JAZF1: variants seen among roughly 807,000 people sequenced by gnomAD.
JAZF1 encodes JAZF zinc finger 1.
A neutral mutation model predicts 26.4 loss-of-function variants in JAZF1; 8 were observed. That is an observed-to-expected ratio of 0.30 (90% CI 0.18 to 0.55). JAZF1 has a LOEUF of 0.55. JAZF1 is among the 20% of genes least tolerant of loss of function. The pLI is 0.94. For synonymous variants in JAZF1, 126 were observed against 122.3 expected, an observed-to-expected ratio of 1.03 and a Z score of -0.20; for missense variants, 199 against 322.0, an observed-to-expected ratio of 0.62 and a Z score of 2.92.
chr7:27,839,568 G>A (rs888406358), intron 4 of JAZF1, among the ~76,000 whole-genome samples: 1 of 152,156 alleles, frequency 6.6e-6, no homozygotes, highest in Admixed American at 6.5e-5. Flanking sequence ...TGACCCAAAT[G>A]CAGCGCTCCT....
intron 2 of JAZF1, among the ~76,000 whole-genome samples, chr7:27,949,265 T>G (rs1464242961): frequency 6.6e-6 from 1 of 152,170 alleles, no homozygotes; most frequent in Admixed American, 6.5e-5. Flanking sequence ...AACACAACAA[T>G]TCTGGCTGAT....
chr7:27,984,876 G>A (rs1330842855), intron 2 of JAZF1, among the ~76,000 whole-genome samples: 1 of 152,102 alleles, frequency 6.6e-6, no homozygotes, highest in East Asian at 1.9e-4. Context: ...CAAAATGAAG[G>A]CAGAAATAAA....
intron 1 of JAZF1, among the ~76,000 whole-genome samples, chr7:28,000,127 GTATTAGTTGCAGTAT>G (rs992935667): frequency 4.7e-4 from 71 of 152,242 alleles, no homozygotes; most frequent in African/African-American, 1.7e-3. Flanking sequence ...GAGTTGAAGA[GTATTAGTTGCAGTAT>G]TAGTATTAGT....
chr7:28,010,615 C>T (rs2128370097), intron 1 of JAZF1, among the ~76,000 whole-genome samples: 1 of 152,334 alleles, frequency 6.6e-6, no homozygotes, highest in South Asian at 2.1e-4. Flanking sequence ...CTCTACAAAA[C>T]ATTCCATGAA....
chr7:28,078,693 C>G (rs376008778), intron 1 of JAZF1, among the ~76,000 whole-genome samples: 8 of 152,148 alleles, frequency 5.3e-5, no homozygotes, highest in African/African-American at 1.7e-4. Flanking sequence ...ATACTCTGGC[C>G]CCTTTTCTTG....
chr7:28,088,570 G>T (rs1369732490), intron 1 of JAZF1, among the ~76,000 whole-genome samples: 2 of 152,188 alleles, frequency 1.3e-5, no homozygotes, highest in African/African-American at 2.4e-5. Flanking sequence ...CAAAGTCAGA[G>T]ATGTGTGTGA....
intron 1 of JAZF1, among the ~76,000 whole-genome samples, chr7:28,145,216 GACA>G (rs1391936087): frequency 2.0e-5 from 3 of 152,180 alleles, no homozygotes; most frequent in African/African-American, 7.2e-5. Context: ...CAAGTAGAAG[GACA>G]AAGGAAAAGG....
intron 3 of JAZF1, among the ~76,000 whole-genome samples, chr7:27,877,351 C>G (rs1783695653): frequency 6.6e-6 from 1 of 152,132 alleles, no homozygotes; most frequent in African/African-American, 2.4e-5. Flanking sequence ...TCAGCAGCTT[C>G]AGATCTTTGG....
chr7:28,072,935 T>C (rs928356921), intron 1 of JAZF1, among the ~76,000 whole-genome samples: 1 of 152,224 alleles, frequency 6.6e-6, no homozygotes, highest in Admixed American at 6.5e-5. Context: ...AAAAAAATTA[T>C]GTATTTAAGA....
intron 1 of JAZF1, among the ~76,000 whole-genome samples, chr7:28,140,925 T>C (rs890240271): frequency 8.5e-5 from 13 of 152,208 alleles, no homozygotes; most frequent in South Asian, 4.1e-4. Context: ...TCAAATATAA[T>C]TTGAACTGTT....
intron 2 of JAZF1, among the ~76,000 whole-genome samples, chr7:27,905,136 TA>T (rs10706114): frequency 0.4 from 61,360 of 151,758 alleles, 12,886 homozygotes; most frequent in African/African-American, 0.5. Context: ...CATCCAAGGC[TA>T]AATTTTTGTA....
intron 1 of JAZF1, among the ~76,000 whole-genome samples, chr7:27,992,607 C>T (rs936629033): frequency 1.8e-4 from 27 of 152,150 alleles, no homozygotes; most frequent in African/African-American, 6.0e-4. Context: ...CATAGCAACG[C>T]TTTATAATGG....
chr7:27,931,798 C>T (rs1213871447), intron 2 of JAZF1, among the ~76,000 whole-genome samples: 4 of 151,924 alleles, frequency 2.6e-5, no homozygotes, highest in African/African-American at 9.7e-5. Context: ...GTGCTGGAAC[C>T]TGGGAGAATT....
intron 1 of JAZF1, among the ~76,000 whole-genome samples, chr7:28,037,182 A>G (rs1267989543): frequency 6.6e-6 from 1 of 152,206 alleles, no homozygotes; most frequent in Non-Finnish European, 1.5e-5. Flanking sequence ...ATGTACTCAA[A>G]CACAATAAAT....
In JAZF1 at chr7:27,880,864, C is replaced by T. The variant is rs192958431; in HGVS notation, c.385+14356G>A. ...ACAGTTATTTGCAGAGACAGGGTCC[C>T]CCTGTGTTACCGTGGCTGGTCCTGA... is the stretch of plus-strand genomic sequence containing the variant. On this transcript the variant is annotated intron_variant, in intron 3 of 4. Coordinates refer to ENST00000283928, the MANE Select transcript of JAZF1 (RefSeq NM_175061.4). Among the ~76,000 whole-genome samples, 17 of 152,220 alleles carry T rather than the reference C, an allele frequency of 1.1e-4. No individual in the cohort carries two copies. In the East Asian group the frequency reaches 3.3e-3, roughly 30 times the overall value.
intron 1 of JAZF1, among the ~76,000 whole-genome samples, chr7:28,098,754 C>A: frequency 6.6e-6 from 1 of 152,214 alleles, no homozygotes; most frequent in East Asian, 1.9e-4. Context: ...ACCGCTAACA[C>A]TGACTGTGTA....
At chr7:27,988,519 G>A (rs6947815) in intron 2 of JAZF1, among the ~76,000 whole-genome samples, 1 of 151,930 alleles carries the variant, frequency 6.6e-6, no homozygotes, top group African/African-American at 2.4e-5. Context: ...GGGGATACAG[G>A]TGTACACTAC....
At chr7:27,848,770 C>G (rs149231052) in intron 3 of JAZF1, among the ~76,000 whole-genome samples, 147 of 152,220 alleles carry the variant, frequency 9.7e-4, no homozygotes, top group Non-Finnish European at 1.8e-3. Context: ...CCTCCTTTTG[C>G]TCTAAGCTAT....
At chr7:27,882,480 C>T (rs1187032237) in intron 3 of JAZF1, among the ~76,000 whole-genome samples, 1 of 152,218 alleles carries the variant, frequency 6.6e-6, no homozygotes, top group African/African-American at 2.4e-5. Flanking sequence ...AGGTGCCAGA[C>T]ATGCACAATC....
Sources: allele counts gnomAD v4.1 joint callset (sites outside exome capture counted in the v4.1 genomes callset), GRCh38; gene constraint gnomAD v4.1.1; transcripts MANE v1.5; gene names NCBI Gene and HGNC (gene_info 2026-07-23, HGNC 2026-07-21).